The following FAR2 variants were observed in gnomAD, a reference collection of about 807,000 sequenced individuals.
FAR2 encodes epididymis secretory protein Li 81.
FAR2 carries 19 observed loss-of-function variants against 56.0 expected under a neutral mutation model. The observed-to-expected ratio is 0.34, with a 90% CI of 0.24 to 0.50. The LOEUF (loss-of-function observed/expected upper bound fraction) is 0.50, where lower values mean the gene tolerates loss of function less well. Ranked by LOEUF, FAR2 falls within the 20% of genes least tolerant of loss-of-function variation. The pLI is 0.98. For missense variants in FAR2, 508 were observed against 642.2 expected (o/e 0.79, Z 2.26); for synonymous variants, 219 against 218.8 (o/e 1.00, Z -0.01).
At chr12:29,198,188 A>G (rs1950157370) in intron 1 of FAR2, among the ~76,000 whole-genome samples, 1 of 151,996 alleles carries the variant, frequency 6.6e-6, no homozygotes, top group Admixed American at 6.6e-5. Context: ...TGATATATTT[A>G]TATTCTCTCC....
intron 10 of FAR2, chr12:29,331,438 C>T (rs544341176): frequency 6.6e-6 from 1 of 152,244 alleles, no homozygotes; most frequent in African/African-American, 2.4e-5. Context: ...ACCAAATCCA[C>T]TCACTGATGC....
intron 1 of FAR2, among the ~76,000 whole-genome samples, chr12:29,244,728 TG>T (rs1426711410): frequency 6.6e-6 from 1 of 152,214 alleles, no homozygotes; most frequent in Non-Finnish European, 1.5e-5. Context: ...AAATCGATGA[TG>T]AACACAAATG....
chr12:29,211,590 CATCATAAGCGAGCAACTGACCCTTTA>C (rs1947549776), intron 1 of FAR2, among the ~76,000 whole-genome samples: 1 of 151,982 alleles, frequency 6.6e-6, no homozygotes, highest in African/African-American at 2.4e-5. Flanking sequence ...GTAGTTGTGC[CATCATAAGCGAGCAACTGACCCTTTA>C]AGTTACTGAG....
chr12:29,187,468 G>A (rs1950055036), intron 1 of FAR2, among the ~76,000 whole-genome samples: 1 of 151,818 alleles, frequency 6.6e-6, no homozygotes, highest in Non-Finnish European at 1.5e-5. Context: ...TAATTTTTAA[G>A]TCTTTAAACA....
rs973104125 is a variant in FAR2, at chr12:29,247,790, C to T, written c.-38-22622C>T. Among the ~76,000 whole-genome samples, 6 of 152,204 alleles carry T rather than the reference C, an allele frequency of 3.9e-5. No homozygotes were observed. The East Asian group carries it at 1.2e-3, about 29-fold the overall frequency. ...CCATAGGAGTGGCAGAAGAAATGAC[C>T]GTATCTTGTGAGAAGAAATTAAGAT... is the stretch of plus-strand genomic sequence containing the variant. On this transcript the variant is annotated intron_variant, in intron 1 of 11. Transcript: ENST00000536681.
intron 1 of FAR2, among the ~76,000 whole-genome samples, chr12:29,177,418 A>G (rs1949949190): frequency 6.6e-6 from 1 of 152,202 alleles, no homozygotes; most frequent in South Asian, 2.1e-4. Context: ...GTATTATTAT[A>G]AAAATACTTC....
intron 1 of FAR2, among the ~76,000 whole-genome samples, chr12:29,178,215 A>C (rs886428777): frequency 2.0e-5 from 3 of 152,070 alleles, no homozygotes; most frequent in Admixed American, 6.5e-5. Context: ...AGTAAAATTC[A>C]TTCCCAGTAC....
chr12:29,219,561 A>C (rs1947661108), intron 1 of FAR2, among the ~76,000 whole-genome samples: 1 of 152,206 alleles, frequency 6.6e-6, no homozygotes, highest in Non-Finnish European at 1.5e-5. Flanking sequence ...GGGAATCTGC[A>C]TCATGGATAT....
Position 29,333,732 on chromosome 12 carries a change from A to G in FAR2, c.1486A>G (p.Ile496Val). ...GATGGCTCGGAATGTCTGGTTCTTCATTGTAAGCTTCTGTTATAAATTCCT... is the reference window on the plus strand; with the variant it reads ...GATGGCTCGGAATGTCTGGTTCTTCGTTGTAAGCTTCTGTTATAAATTCCT... Reference protein sequence around the residue: ...SQMARNVWFFIVSFCYKFLSY... With the variant: ...SQMARNVWFFVVSFCYKFLSY... The change falls in exon 12 of 12, where the codon ATT becomes GTT. Residue 496 changes from isoleucine to valine, a missense_variant. Physicochemically the swap from Ile to Val is conservative, Grantham distance 29. Coordinates refer to ENST00000536681, the MANE Select transcript of FAR2 (RefSeq NM_001271783.2). 6.2e-7 allele frequency: 1 copy of G among 1,613,762 alleles called. No homozygotes were observed. Among genetic ancestry groups the G allele is most frequent in the Non-Finnish European group, 8.5e-7 (1 of 1,179,762 alleles).
chr12:29,311,409 C>G (rs1172502613), intron 7 of FAR2, among the ~76,000 whole-genome samples: 1 of 152,034 alleles, frequency 6.6e-6, no homozygotes, highest in African/African-American at 2.4e-5. Flanking sequence ...AAAGGCTTTT[C>G]TTTCTATTCA....
chr12:29,215,348 A>G (rs1018993768), intron 1 of FAR2, among the ~76,000 whole-genome samples: 1 of 152,242 alleles, frequency 6.6e-6, no homozygotes, highest in African/African-American at 2.4e-5. Flanking sequence ...AAAGAAAAAT[A>G]AAAGATGTAG....
intron 1 of FAR2, among the ~76,000 whole-genome samples, chr12:29,237,206 T>G (rs1947956065): frequency 1.3e-5 from 2 of 152,250 alleles, no homozygotes; most frequent in Admixed American, 6.5e-5. Flanking sequence ...AGATCAGCAG[T>G]TCTTGAAGTG....
intron 1 of FAR2, among the ~76,000 whole-genome samples, chr12:29,196,723 A>G (rs1950147318): frequency 6.6e-6 from 1 of 152,196 alleles, no homozygotes; most frequent in African/African-American, 2.4e-5. Context: ...CATGAGTAAG[A>G]TCTCAAAAGC....
intron 1 of FAR2, among the ~76,000 whole-genome samples, chr12:29,187,214 A>G (rs1250841668): frequency 1.3e-5 from 2 of 151,910 alleles, no homozygotes; most frequent in Non-Finnish European, 2.9e-5. Context: ...TTTTTTTACA[A>G]TATCAATTTT....
chr12:29,299,630 T>C (rs1565512556), intron 4 of FAR2, among the ~76,000 whole-genome samples: 1 of 152,222 alleles, frequency 6.6e-6, no homozygotes, highest in Non-Finnish European at 1.5e-5. Flanking sequence ...CTAAGTTTTT[T>C]TAAAAAACAG....
At position 29,321,689 on chromosome 12, in the gene FAR2, AC is replaced by A. The variant is rs1949554531; in HGVS notation, c.1128-105del. The A allele has an allele frequency of 9.9e-6, 13 of 1,312,126 alleles. No homozygotes were observed. In the South Asian group the frequency reaches 1.0e-4, roughly 10 times the overall value. 81.3% of individuals were successfully genotyped at this position (1,312,126 alleles called of 1,614,324 possible). A position where few individuals can be genotyped will look rare whatever the true frequency, so the allele number is the denominator to read the frequency against. On this transcript the variant is annotated intron_variant, in intron 9 of 11. Transcript: ENST00000536681. ...GAAGAATTTTAATGAGGAGTGGTAG[AC>A]AGGGATAATTTTTGTATTTTCTTAA...
intron 1 of FAR2, among the ~76,000 whole-genome samples, chr12:29,215,116 G>A (rs1224973415): frequency 6.6e-6 from 1 of 152,170 alleles, no homozygotes; most frequent in Admixed American, 6.5e-5. Context: ...AGGACCTACA[G>A]TGTAGTCATG....
intron 3 of FAR2, among the ~76,000 whole-genome samples, chr12:29,294,135 T>G (rs1312727997): frequency 6.6e-6 from 1 of 152,180 alleles, no homozygotes; most frequent in African/African-American, 2.4e-5. Flanking sequence ...ATACTATAAT[T>G]TTTAAATTAT....
chr12:29,161,668 A>G (rs1220276113), intron 1 of FAR2, among the ~76,000 whole-genome samples: 1 of 152,192 alleles, frequency 6.6e-6, no homozygotes, highest in African/African-American at 2.4e-5. Flanking sequence ...TAGGTGTGAA[A>G]TTGCTTTATG....
Sources: allele counts gnomAD v4.1 joint callset (sites outside exome capture counted in the v4.1 genomes callset), GRCh38; gene constraint gnomAD v4.1.1; transcripts MANE v1.5; gene names NCBI Gene and HGNC (gene_info 2026-07-23, HGNC 2026-07-21).